Variants in PLSCR1 observed in about 807,000 individuals in gnomAD.
PLSCR1 encodes the protein PL scramblase 1.
In PLSCR1, 17 loss-of-function variants were observed where a neutral mutation model predicts 37.8. The ratio of observed to expected loss-of-function variants is 0.45; its 90% CI spans 0.31 to 0.68. The LOEUF (loss-of-function observed/expected upper bound fraction) is 0.68. Among genes scored for constraint, PLSCR1 ranks in the 30% least tolerant of loss-of-function variants. PLSCR1 has a pLI of 0.06. For synonymous variants in PLSCR1, 116 were observed against 125.9 expected, an observed-to-expected ratio of 0.92 and a Z score of 0.53; for missense variants, 347 against 380.9, an observed-to-expected ratio of 0.91 and a Z score of 0.74.
In PLSCR1 at chr3:146,521,603, C is replaced by G; in HGVS notation, c.679G>C (p.Val227Leu). The change falls in exon 7 of 9, where the codon GTA (valine) becomes CTA (leucine). Residue 227 changes from valine to leucine, a missense_variant. Transcript: ENST00000342435. ...ACACATGGACCACTTATTTTTAGTA[C>G]ATCCTCTCTTTTCTCATTTTGAATT... Reference protein sequence around the residue: ...FTIQNEKREDVLKISGPCVVC... With the variant: ...FTIQNEKREDLLKISGPCVVC... The G allele has an allele frequency of 6.2e-7, 1 of 1,613,926 alleles. No homozygotes were observed. Among genetic ancestry groups the G allele is most frequent in the Non-Finnish European group, 8.5e-7 (1 of 1,179,838 alleles).
In PLSCR1 at chr3:146,522,103, G is replaced by T. The variant is rs369476239; in HGVS notation, c.356-50C>A. 3.4e-5 allele frequency: 35 copies of T among 1,036,472 alleles called. No homozygotes were observed. In the African/African-American group the frequency reaches 5.2e-4, roughly 15 times the overall value. 64.2% of individuals were successfully genotyped at this position (1,036,472 alleles called of 1,614,324 possible). ...TAATCACCTCTATGTTAAAAATATTGAATTTATCCAGATATTATAATATCT... is the reference window on the plus strand; with the variant it reads ...TAATCACCTCTATGTTAAAAATATTTAATTTATCCAGATATTATAATATCT... On this transcript the variant is annotated intron_variant, in intron 5 of 8. Coordinates refer to ENST00000342435, the MANE Select transcript of PLSCR1 (RefSeq NM_021105.3).
At chr3:146,534,269 T>G (rs897163239) in intron 2 of PLSCR1, among the ~76,000 whole-genome samples, 1 of 152,198 alleles carries the variant, frequency 6.6e-6, no homozygotes, top group Non-Finnish European at 1.5e-5. Flanking sequence ...ACTGAGCATG[T>G]CCTGTGTCAC....
At chr3:146,521,097 T>G (rs946514214) in intron 7 of PLSCR1, among the ~76,000 whole-genome samples, 1 of 152,042 alleles carries the variant, frequency 6.6e-6, no homozygotes, top group Non-Finnish European at 1.5e-5. Context: ...CTCAAAACTA[T>G]CTTTGCATAA....
At position 146,537,106 on chromosome 3, in the gene PLSCR1, G is replaced by A. The variant is rs7610697; in HGVS notation, c.-13-541C>T. On this transcript the variant is annotated intron_variant, in intron 1 of 8. Coordinates refer to ENST00000342435, the MANE Select transcript of PLSCR1 (RefSeq NM_021105.3). ...ATTTGAGAAGGCCTGAGACGACTCC[G>A]TGCATTCAGAGATTTTTTTTTTTTT... Among the ~76,000 whole-genome samples the A allele has an allele frequency of 4.0e-3, 603 of 149,170 alleles. 3 individuals are homozygous for A. The highest frequency in any genetic ancestry group is 0.014 in the African/African-American group (576 of 40,344).
intron 1 of PLSCR1, among the ~76,000 whole-genome samples, chr3:146,540,448 A>C (rs1342859022): frequency 6.6e-6 from 1 of 152,180 alleles, no homozygotes; most frequent in Non-Finnish European, 1.5e-5. Flanking sequence ...TTCAAAATTC[A>C]TATTACAGTG....
At chr3:146,525,998 A>G (rs1049539793) in intron 4 of PLSCR1, among the ~76,000 whole-genome samples, 2 of 151,776 alleles carry the variant, frequency 1.3e-5, no homozygotes, top group African/African-American at 4.8e-5. Context: ...CCTGGCTGAC[A>G]TGGTGAAACC....
At chr3:146,531,278 T>C (rs1452737928) in intron 3 of PLSCR1, among the ~76,000 whole-genome samples, 1 of 152,108 alleles carries the variant, frequency 6.6e-6, no homozygotes, top group Non-Finnish European at 1.5e-5. Flanking sequence ...TCTAGCTGAA[T>C]AACAGCAAGC....
At position 146,522,060 on chromosome 3, in the gene PLSCR1, A is replaced by G; in HGVS notation, c.356-7T>C. 1.4e-6 allele frequency: 2 copies of G among 1,428,050 alleles called. No individual in the cohort carries two copies. The highest frequency in any genetic ancestry group is 2.0e-6 in the Non-Finnish European group (2 of 1,010,160). 88.5% of individuals were successfully genotyped at this position (1,428,050 alleles called of 1,614,324 possible). ...GTTTCAAAACCTGTTAAAACTAAAA[A>G]CATAAAAGACGAAATCATAATCACC... is the stretch of plus-strand genomic sequence containing the variant. On this transcript the variant is annotated splice_polypyrimidine_tract_variant and splice_region_variant and intron_variant, in intron 5 of 8. Transcript: ENST00000342435.
chr3:146,529,567 C>T (rs778709647), intron 3 of PLSCR1, among the ~76,000 whole-genome samples: 8 of 150,286 alleles, frequency 5.3e-5, no homozygotes, highest in Non-Finnish European at 8.8e-5. Flanking sequence ...GGCTGGAGTG[C>T]GGTGGCATCA....
rs2043956699 is a variant in PLSCR1, at chr3:146,517,056, C to T, written c.850G>A (p.Asp284Asn). 2 of 1,604,412 alleles carry T rather than the reference C, an allele frequency of 1.2e-6. No individual in the cohort carries two copies. The highest frequency in any genetic ancestry group is 1.1e-5 in the South Asian group (1 of 89,828). Reference protein sequence around the residue: ...ADNFGIQFPLDLDVKMKAVMI... With the variant: ...ADNFGIQFPLNLDVKMKAVMI... ...ACAGCTTTCATTTTAACATCAAGGT[C>T]TAAAGGGAACTGGATTCCAAAGTTA... Residue 284 changes from aspartate to asparagine, a missense_variant, in exon 8 of 9, where the codon GAC becomes AAC. Physicochemically the swap from Asp to Asn is conservative, Grantham distance 23. Transcript: ENST00000342435.
intron 3 of PLSCR1, 130 bp downstream of exon 3, chr3:146,533,339 TA>T (rs1259875605): frequency 4.4e-6 from 2 of 454,976 alleles, no homozygotes; most frequent in Admixed American, 3.6e-5. Context: ...AATATAATTT[TA>T]AAAAAAGAAC....
intron 1 of PLSCR1, among the ~76,000 whole-genome samples, chr3:146,543,393 G>A (rs1022598822): frequency 5.3e-5 from 8 of 152,012 alleles, no homozygotes; most frequent in African/African-American, 1.7e-4. Flanking sequence ...TCATTTCCCC[G>A]CATTTTCTCA....
At chr3:146,530,590 AGAT>A (rs1283236923) in intron 3 of PLSCR1, among the ~76,000 whole-genome samples, 1 of 152,240 alleles carries the variant, frequency 6.6e-6, no homozygotes, top group East Asian at 1.9e-4. Flanking sequence ...AAGGTCTAAA[AGAT>A]GAGAAGAGAA....
intron 3 of PLSCR1, among the ~76,000 whole-genome samples, chr3:146,530,502 T>C (rs1238552384): frequency 6.6e-6 from 1 of 152,066 alleles, no homozygotes; most frequent in Non-Finnish European, 1.5e-5. Context: ...AAAAAATTCA[T>C]ATGGATGTGA....
intron 5 of PLSCR1, among the ~76,000 whole-genome samples, chr3:146,522,560 G>T (rs1031405569): frequency 2.6e-5 from 4 of 151,952 alleles, no homozygotes; most frequent in Non-Finnish European, 5.9e-5. Flanking sequence ...ACTGTGGAAG[G>T]CCACAGGGAC....
rs1326188609 is a variant in PLSCR1, at chr3:146,521,650, T to C, written c.632A>G (p.His211Arg). 2 of 1,613,100 alleles carry C rather than the reference T, an allele frequency of 1.2e-6. No homozygotes were observed. Among genetic ancestry groups the C allele is most frequent in the South Asian group, 2.2e-5 (2 of 91,052 alleles). ...AATTGTAAACTTTGGTAGACATGGGTGCCAAGTCTGAATAACATAACCTAT... is the reference window on the plus strand; with the variant it reads ...AATTGTAAACTTTGGTAGACATGGGCGCCAAGTCTGAATAACATAACCTAT... ...VPIGYVIQTW[H>R]PCLPKFTIQN... is the part of the protein sequence containing the mutation. Residue 211 changes from histidine to arginine, a missense_variant, in exon 7 of 9, where the codon CAC (histidine) becomes CGC (arginine). His to Arg is a conservative substitution (Grantham distance 29, BLOSUM62 0). Transcript: ENST00000342435.
At chr3:146,525,380 T>C (rs779407579) in intron 5 of PLSCR1, 109 of 463,770 alleles carry the variant, frequency 2.4e-4, no homozygotes, top group Non-Finnish European at 3.7e-4. Flanking sequence ...TTATTTTCCT[T>C]CTAAGTTAGT....
intron 4 of PLSCR1, 106 bp from the exon 5 acceptor site, chr3:146,525,753 A>T: frequency 3.6e-6 from 2 of 548,616 alleles, no homozygotes; most frequent in Non-Finnish European, 6.5e-6. Flanking sequence ...ACATGTAACC[A>T]ATTATCAATA....
At chr3:146,529,516 A>ATTT (rs111660673) in intron 3 of PLSCR1, among the ~76,000 whole-genome samples, 68 of 142,056 alleles carry the variant, frequency 4.8e-4, no homozygotes, top group Admixed American at 1.4e-3. Flanking sequence ...CTTTCTTTCC[A>ATTT]TTTTTTTTTT....
Sources: allele counts gnomAD v4.1 joint callset (sites outside exome capture counted in the v4.1 genomes callset), GRCh38; gene constraint gnomAD v4.1.1; transcripts MANE v1.5; gene names NCBI Gene and HGNC (gene_info 2026-07-23, HGNC 2026-07-21).